The following NEURL1B variants were observed in gnomAD, a reference collection of about 807,000 sequenced individuals.
The protein encoded by NEURL1B is neuralized E3 ubiquitin protein ligase 1B, also known as E3 ubiquitin-protein ligase NEURL1B.
A neutral mutation model predicts 37.4 loss-of-function variants in NEURL1B; 13 were observed. The ratio of observed to expected loss-of-function variants is 0.35; its 90% CI spans 0.23 to 0.55. NEURL1B has a LOEUF of 0.55. NEURL1B is among the 20% of genes least tolerant of loss of function. NEURL1B has a pLI of 0.89. For missense variants in NEURL1B, 790 were observed against 879.2 expected (o/e 0.90, Z 1.28); for synonymous variants, 432 against 426.6 (o/e 1.01, Z -0.16).
intron 1 of NEURL1B, among the ~76,000 whole-genome samples, chr5:172,654,379 T>G (rs1757724172): frequency 6.6e-6 from 1 of 152,120 alleles, no homozygotes; most frequent in Non-Finnish European, 1.5e-5. Flanking sequence ...TTTCCCTCAA[T>G]CACCTGGGAG....
intron 1 of NEURL1B, among the ~76,000 whole-genome samples, chr5:172,668,815 A>G (rs1282252152): frequency 6.6e-6 from 1 of 152,188 alleles, no homozygotes; most frequent in Non-Finnish European, 1.5e-5. Flanking sequence ...AAGGAAAGGC[A>G]GGGGGAGAGG....
chr5:172,684,471 CAG>C (rs1758443740), intron 3 of NEURL1B, among the ~76,000 whole-genome samples: 2 of 152,148 alleles, frequency 1.3e-5, no homozygotes, highest in African/African-American at 4.8e-5. Context: ...CCGAGCTTGG[CAG>C]GCTATATCCC....
rs959493833 is a variant in NEURL1B at position 172,686,591 on chromosome 5, A to G, written c.1424-90A>G. 13 of 1,409,462 alleles carry G rather than the reference A, an allele frequency of 9.2e-6. No homozygotes were observed. Among genetic ancestry groups the G allele is most frequent in the African/African-American group, 1.4e-5 (1 of 69,616 alleles). The allele number at this position is 1,409,462 out of a possible 1,614,324, so 87.3% of individuals were successfully genotyped here. The stretch of plus-strand genomic sequence containing the variant: ...CCAAAAGTATTCTCCCACCGGTCCC[A>G]GCAAGAAGCCCTGCATTCTCGGGGT... On this transcript the variant is annotated intron_variant, in intron 4 of 4. Transcript: ENST00000369800. The surrounding 1 kb of genome is among the most constrained non-coding windows in gnomAD (Gnocchi z 7.9).
rs982417102 is a variant in NEURL1B at position 172,661,876 on chromosome 5, A to G, written c.32-7909A>G. Among the ~76,000 whole-genome samples the G allele has an allele frequency of 3.9e-5, 6 of 152,216 alleles. No individual in the cohort carries two copies. Among genetic ancestry groups the G allele is most frequent in the African/African-American group, 1.4e-4 (6 of 41,456 alleles). On this transcript the variant is annotated intron_variant, in intron 1 of 4. Transcript: ENST00000369800. This position sits in a 1 kb window ranked among gnomAD's most constrained non-coding sequence, Gnocchi z 4.0. Reference sequence around the variant, plus strand: ...GAGATGAGTGGGGACCATTCAGGGGATGGCACAAGGCGCATTTAGGACGCC... The same window carrying G: ...GAGATGAGTGGGGACCATTCAGGGGGTGGCACAAGGCGCATTTAGGACGCC...
At chr5:172,671,376 G>A (rs989686150) in intron 2 of NEURL1B, among the ~76,000 whole-genome samples, 2 of 152,224 alleles carry the variant, frequency 1.3e-5, no homozygotes, top group African/African-American at 2.4e-5. Flanking sequence ...TATGTGCAGT[G>A]TTGAAATGCA....
chr5:172,656,526 T>G (rs1757781442), intron 1 of NEURL1B: 2 of 1,609,014 alleles, frequency 1.2e-6, no homozygotes, highest in East Asian at 4.5e-5. Flanking sequence ...AGCTTACTTT[T>G]TGCCAGATTT....
Position 172,684,005 on chromosome 5 carries a change from G to A in NEURL1B, c.1164G>A (p.Leu388=). The A allele has an allele frequency of 1.5e-6, 2 of 1,330,328 alleles. No homozygotes were observed. Among genetic ancestry groups the A allele is most frequent in the Admixed American group, 3.7e-5 (1 of 27,390 alleles). The allele number at this position is 1,330,328 out of a possible 1,614,324, so 82.4% of individuals were successfully genotyped here. ...GCGGCGACGCGCTCAGCTTCACGCT[G>A]CGGCCCGGCGGCGACGTGCTCCTGG... ...PSGGDALSFT[L]RPGGDVLLGI... is the part of the protein sequence containing the mutation. The change falls in exon 3 of 5, where the codon CTG becomes CTA. Residue 388 remains leucine, a synonymous_variant. Transcript: ENST00000369800.
chr5:172,680,801 A>G (rs949345263), intron 2 of NEURL1B, among the ~76,000 whole-genome samples: 3 of 152,210 alleles, frequency 2.0e-5, no homozygotes, highest in Admixed American at 6.5e-5. Flanking sequence ...ATGTTATATC[A>G]TAGGTATTTT....
chr5:172,641,701 C>G lies in NEURL1B; in HGVS notation c.31+264C>G, dbSNP rs1757463586. On this transcript the variant is annotated intron_variant, in intron 1 of 4. Coordinates refer to ENST00000369800, the MANE Select transcript of NEURL1B (RefSeq NM_001142651.3). The surrounding 1 kb of genome is among the most constrained non-coding windows in gnomAD (Gnocchi z 6.4). ...CTTTGGCCAGATGCGCAAAAAGGGC[C>G]GCTGGGGCGATGCCGCGCGCCCCCT... is the stretch of plus-strand genomic sequence containing the variant. 6.6e-6 allele frequency among the ~76,000 whole-genome samples: 1 copy of G among 152,212 alleles called. No individual in the cohort carries two copies. The highest frequency in any genetic ancestry group is 2.4e-5 in the African/African-American group (1 of 41,538).
At chr5:172,649,701 C>CAGA (rs1757626299) in intron 1 of NEURL1B, among the ~76,000 whole-genome samples, 6 of 152,190 alleles carry the variant, frequency 3.9e-5, no homozygotes, top group Non-Finnish European at 8.8e-5. Flanking sequence ...CCTTTCAGTT[C>CAGA]TGCATGGCAG....
rs1757992876 is a variant in NEURL1B at position 172,665,539 on chromosome 5, C to G, written c.32-4246C>G. ...AAGCCCTGTAGCGGCTCCCTCTTGC[C>G]CATGCAGTGCGTTCTGAGCCTCTTG... On this transcript the variant is annotated intron_variant, in intron 1 of 4. Transcript: ENST00000369800. This position sits in a 1 kb window ranked among gnomAD's most constrained non-coding sequence, Gnocchi z 4.1. Among the ~76,000 whole-genome samples the G allele has an allele frequency of 6.6e-6, 1 of 152,212 alleles. No individual in the cohort carries two copies. The highest frequency in any genetic ancestry group is 2.1e-4 in the South Asian group (1 of 4,834).
chr5:172,669,662 G>A (rs1250132675), intron 1 of NEURL1B, 123 bp from the exon 2 acceptor site: 3 of 764,772 alleles, frequency 3.9e-6, no homozygotes, highest in African/African-American at 3.8e-5. Context: ...ACCTTCTTAA[G>A]TTTATCAGTA....
Position 172,667,275 on chromosome 5 carries a change from T to TA in NEURL1B, c.32-2489dup, listed in dbSNP as rs55663413. Among the ~76,000 whole-genome samples, 249 of 72,280 alleles carry TA rather than the reference T, an allele frequency of 3.4e-3. 13 individuals carry two copies. Among genetic ancestry groups the TA allele is most frequent in the East Asian group, 0.026 (77 of 2,914 alleles). The allele number at this position is 72,280 out of a possible 152,430, so 47.4% of individuals were successfully genotyped here. On this transcript the variant is annotated intron_variant, in intron 1 of 4. Coordinates refer to ENST00000369800, the MANE Select transcript of NEURL1B (RefSeq NM_001142651.3). ...CAACATGGTGAAACCCTGTCTCTAC[T>TA]AAAAAAAAAAAAAAAAAAAAATTAG...
chr5:172,649,752 C>T (rs1158554873), intron 1 of NEURL1B, among the ~76,000 whole-genome samples: 1 of 152,154 alleles, frequency 6.6e-6, no homozygotes, highest in African/African-American at 2.4e-5. Flanking sequence ...ATATAAGGCA[C>T]AGGACGGTGA....
Position 172,657,696 on chromosome 5 carries a change from A to G in NEURL1B, c.32-12089A>G, listed in dbSNP as rs188001901. Among the ~76,000 whole-genome samples the G allele has an allele frequency of 1.3e-5, 2 of 152,134 alleles. No individual in the cohort carries two copies. The highest frequency in any genetic ancestry group is 4.8e-5 in the African/African-American group (2 of 41,516). On this transcript the variant is annotated intron_variant, in intron 1 of 4. Coordinates refer to ENST00000369800, the MANE Select transcript of NEURL1B (RefSeq NM_001142651.3). The surrounding 1 kb of genome is among the most constrained non-coding windows in gnomAD (Gnocchi z 4.0). ...GCACCTGTTACTTAGCCGACCACGAAAGGGAGTCTCCTTTCCTTGGAGGAG... is the reference window on the plus strand; with the variant it reads ...GCACCTGTTACTTAGCCGACCACGAGAGGGAGTCTCCTTTCCTTGGAGGAG...
At position 172,669,911 on chromosome 5, in the gene NEURL1B, A is replaced by G. The variant is rs991363112; in HGVS notation, c.158A>G (p.Asp53Gly). The change falls in exon 2 of 5, where the codon GAC becomes GGC. Residue 53 changes from aspartate to glycine, a missense_variant. Asp to Gly is a moderately conservative substitution (Grantham distance 94). Around this residue, in one of 3 missense-constraint regions of NEURL1B, gnomAD observed 215 missense variants for 309.2 expected, o/e 0.70. Coordinates refer to ENST00000369800, the MANE Select transcript of NEURL1B (RefSeq NM_001142651.3). ...GCCAAAGGCAAGAACGTGCGGCTGGACGGCCACTCGCGCCGGGCCACACGG... is the reference window on the plus strand; with the variant it reads ...GCCAAAGGCAAGAACGTGCGGCTGGGCGGCCACTCGCGCCGGGCCACACGG... ...AQAKGKNVRL[D>G]GHSRRATRRN... 1.4e-6 allele frequency: 2 copies of G among 1,452,734 alleles called. No homozygotes were observed. The highest frequency in any genetic ancestry group is 1.8e-6 in the Non-Finnish European group (2 of 1,107,206). The allele number at this position is 1,452,734 out of a possible 1,614,324, so 90.0% of individuals were successfully genotyped here.
intron 1 of NEURL1B, among the ~76,000 whole-genome samples, chr5:172,646,612 A>G (rs563459056): frequency 6.6e-6 from 1 of 152,324 alleles, no homozygotes; most frequent in East Asian, 1.9e-4. Context: ...GTTCTCCTGC[A>G]GGGGAACACA....
chr5:172,670,784 C>G (rs1758115742), intron 2 of NEURL1B, among the ~76,000 whole-genome samples: 1 of 152,316 alleles, frequency 6.6e-6, no homozygotes, highest in Middle Eastern at 3.4e-3. Flanking sequence ...CTTCCATTTG[C>G]TCATTTAGTC....
Position 172,670,174 on chromosome 5 carries a change from G to T in NEURL1B, c.421G>T (p.Asp141Tyr). ...ACTGCCCGAGAACCTGGCGCTGCGC[G>T]ACACGGTGCTGGCCTACTGGGCCGA... ...KALPENLALR[D>Y]TVLAYWADRH... The change falls in exon 2 of 5, where the codon GAC becomes TAC. Residue 141 changes from aspartate (D) to tyrosine (Y), a missense_variant. Coordinates refer to ENST00000369800, the MANE Select transcript of NEURL1B (RefSeq NM_001142651.3). The T allele has an allele frequency of 6.7e-7, 1 of 1,491,188 alleles. No individual in the cohort carries two copies. Among genetic ancestry groups the T allele is most frequent in the South Asian group, 1.3e-5 (1 of 77,842 alleles). The allele number at this position is 1,491,188 out of a possible 1,614,324, so 92.4% of individuals were successfully genotyped here.
Sources: gnomAD v4.1 joint callset for allele counts (sites outside exome capture counted in the v4.1 genomes callset) on GRCh38, gnomAD v4.1.1 for gene constraint, gnomAD v4.1.1 regional missense constraint, Gnocchi (gnomAD v3.1) non-coding constraint, MANE v1.5 for transcripts, NCBI Gene and HGNC (gene_info 2026-07-23, HGNC 2026-07-21) for gene names.